Variants in SPAG17 observed in about 807,000 individuals in gnomAD.
SPAG17 encodes the protein sperm associated antigen 17.
Under a neutral mutation model 273.6 loss-of-function variants are expected in SPAG17, and 169 were observed. The ratio of observed to expected loss-of-function variants is 0.62; its 90% confidence interval spans 0.55 to 0.70. The LOEUF is 0.70. Among genes scored for constraint, SPAG17 ranks in the 30% least tolerant of loss-of-function variants. The probability of loss-of-function intolerance (pLI) is 0.00; values close to 1 mark genes in which losing one functional copy is unlikely to be tolerated. For synonymous variants in SPAG17, 825 were observed against 873.2 expected (o/e 0.94, Z 0.97); for missense variants, 2,557 against 2,627.8 (o/e 0.97, Z 0.59).
At chr1:118,155,798 TTTACTGCA>T (rs1659618741) in intron 1 of SPAG17, among the ~76,000 whole-genome samples, 2 of 152,198 alleles carry the variant, frequency 1.3e-5, no homozygotes, top group South Asian at 4.1e-4. Context: ...GTTAAGCAGA[TTTACTGCA>T]AAATGGACAG....
intron 5 of SPAG17, 117 bp downstream of exon 5, chr1:118,101,623 G>T: frequency 2.1e-6 from 2 of 961,226 alleles, no homozygotes; most frequent in Non-Finnish European, 1.6e-6. Context: ...ATGATTGTGG[G>T]GGAATTGGCG....
chr1:118,099,201 G>A (rs1303021985), intron 6 of SPAG17, among the ~76,000 whole-genome samples: 1 of 152,062 alleles, frequency 6.6e-6, no homozygotes. Flanking sequence ...AGCAGAACAG[G>A]GCAAGAATCT....
chr1:118,122,809 T>C lies in SPAG17; in HGVS notation c.316-7368A>G, dbSNP rs190971127. ...AAATGTTCACTAAAGTCAGTACTTA[T>C]GGTTATTCATACATCCAGGACAGAG... On this transcript the variant is annotated intron_variant, in intron 3 of 48. Transcript: ENST00000336338. 1.5e-3 allele frequency among the ~76,000 whole-genome samples: 227 copies of C among 152,342 alleles called. 4 individuals carry two copies. The highest frequency in any genetic ancestry group is 4.6e-3 in the South Asian group (22 of 4,828).
At chr1:117,977,985 C>T (rs1557858730) in intron 43 of SPAG17, among the ~76,000 whole-genome samples, 1 of 152,218 alleles carries the variant, frequency 6.6e-6, no homozygotes, top group Admixed American at 6.5e-5. Context: ...TTCCACCTCA[C>T]AGAGTCTCAT....
chr1:117,976,086 C>G (rs1655104953), intron 43 of SPAG17, among the ~76,000 whole-genome samples: 1 of 152,122 alleles, frequency 6.6e-6, no homozygotes. Context: ...AGCTATTACA[C>G]AAGGAGCCCG....
chr1:118,053,678 T>C (rs1432303564), intron 20 of SPAG17, among the ~76,000 whole-genome samples: 1 of 151,980 alleles, frequency 6.6e-6, no homozygotes, highest in Non-Finnish European at 1.5e-5. Flanking sequence ...CATAAAAATA[T>C]ATATGTATAT....
chr1:118,090,588 A>C (rs1441588777), intron 10 of SPAG17, among the ~76,000 whole-genome samples: 1 of 152,206 alleles, frequency 6.6e-6, no homozygotes, highest in African/African-American at 2.4e-5. Flanking sequence ...AGAAAGATGG[A>C]AATGACAGAG....
At chr1:117,957,259 C>A in intron 48 of SPAG17, 1 of 1,533,540 alleles carries the variant, frequency 6.5e-7, no homozygotes, top group South Asian at 1.3e-5. Context: ...AGTACCTTAA[C>A]TGAAGCTGTC....
At position 118,016,130 on chromosome 1, in the gene SPAG17, G is replaced by C; in HGVS notation, c.4122C>G (p.Asp1374Glu). The C allele has an allele frequency of 1.2e-6, 2 of 1,614,032 alleles. No individual in the cohort carries two copies. Among genetic ancestry groups the C allele is most frequent in the Non-Finnish European group, 1.7e-6 (2 of 1,179,958 alleles). The change falls in exon 29 of 49, where the codon GAC (aspartate) becomes GAG (glutamate). Residue 1374 changes from aspartate (D) to glutamate (E), a missense_variant. Coordinates refer to ENST00000336338, the MANE Select transcript of SPAG17 (RefSeq NM_206996.4). ...CAGTTTGAACTGCCTCTGGAGGAGG[G>C]TCATGGATTTCACCCTTATGGGCCA... is the stretch of plus-strand genomic sequence containing the variant. ...SSMAHKGEIHDPPPEAVQTVT... is the reference protein window; with the variant it reads ...SSMAHKGEIHEPPPEAVQTVT...
At chr1:117,963,596 C>G (rs1653407262) in intron 48 of SPAG17, 1 of 364,684 alleles carries the variant, frequency 2.7e-6, no homozygotes, top group South Asian at 4.4e-5. Context: ...GATCTCCTGA[C>G]CTTGTGATCC....
intron 48 of SPAG17, among the ~76,000 whole-genome samples, chr1:117,955,647 T>C (rs1652086402): frequency 6.6e-6 from 1 of 152,140 alleles, no homozygotes; most frequent in African/African-American, 2.4e-5. Context: ...ATTGTTAATT[T>C]GTTTTATATT....
At chr1:118,150,800 T>C (rs1240120973) in intron 2 of SPAG17, among the ~76,000 whole-genome samples, 171 bp from the exon 3 acceptor site, 2 of 152,234 alleles carry the variant, frequency 1.3e-5, no homozygotes, top group Non-Finnish European at 2.9e-5. Flanking sequence ...CTGTCAGTAA[T>C]TGTATGGGTA....
chr1:118,079,255 G>C (rs1408347848), intron 15 of SPAG17, among the ~76,000 whole-genome samples: 1 of 151,972 alleles, frequency 6.6e-6, no homozygotes, highest in African/African-American at 2.4e-5. Flanking sequence ...TTGGATATAA[G>C]ACTACTCAGG....
chr1:118,003,594 C>T (rs1415302815), intron 32 of SPAG17, among the ~76,000 whole-genome samples: 11 of 152,274 alleles, frequency 7.2e-5, no homozygotes, highest in African/African-American at 2.6e-4. Context: ...CTTTCTTCCA[C>T]TTGATCAAAT....
intron 18 of SPAG17, among the ~76,000 whole-genome samples, chr1:118,058,540 C>T (rs971676632): frequency 2.0e-5 from 3 of 152,160 alleles, no homozygotes; most frequent in Admixed American, 2.0e-4. Flanking sequence ...TACATACAAA[C>T]GAAATTATGC....
chr1:118,076,334 A>G (rs925524774), intron 15 of SPAG17: 1 of 152,080 alleles, frequency 6.6e-6, no homozygotes, highest in Non-Finnish European at 1.5e-5. Flanking sequence ...AGCTACTTAC[A>G]TTTTTGCTAC....
At chr1:118,150,972 A>G (rs1659345078) in intron 2 of SPAG17, among the ~76,000 whole-genome samples, 1 of 152,198 alleles carries the variant, frequency 6.6e-6, no homozygotes, top group Admixed American at 6.5e-5. Flanking sequence ...ATTTTGTCAC[A>G]GAACCTAGCA....
intron 20 of SPAG17, 81 bp from the exon 21 acceptor site, chr1:118,042,123 T>C: frequency 6.7e-7 from 1 of 1,494,362 alleles, no homozygotes; most frequent in Non-Finnish European, 9.0e-7. Context: ...TTGAAGAATA[T>C]TTAACATGAT....
chr1:118,057,447 G>C (rs1185045654), intron 18 of SPAG17, among the ~76,000 whole-genome samples: 1 of 151,990 alleles, frequency 6.6e-6, no homozygotes, highest in Non-Finnish European at 1.5e-5. Context: ...TTTTTAATGA[G>C]TCTGCATGTC....
Sources: gnomAD v4.1 joint callset for allele counts (sites outside exome capture counted in the v4.1 genomes callset) on GRCh38, gnomAD v4.1.1 for gene constraint, MANE v1.5 for transcripts, NCBI Gene and HGNC (gene_info 2026-07-23, HGNC 2026-07-21) for gene names.